PRAMEF27: variants seen among roughly 807,000 people sequenced by gnomAD.
The protein encoded by PRAMEF27 is PRAME family member 27.
Under a neutral mutation model 21.0 loss-of-function variants are expected in PRAMEF27, and 5 were observed. The observed-to-expected ratio is 0.24, with a 90% confidence interval of 0.12 to 0.50. The LOEUF is 0.50. Among genes scored for constraint, PRAMEF27 ranks in the 20% least tolerant of loss-of-function variants. The pLI, the probability that PRAMEF27 is intolerant of heterozygous loss-of-function variation, is 0.98. For missense variants in PRAMEF27, 138 were observed against 541.4 expected, an observed-to-expected ratio of 0.25 and a Z score of 7.39; for synonymous variants, 61 against 211.2, an observed-to-expected ratio of 0.29 and a Z score of 6.17.
Position 13,053,486 on chromosome 1 carries a change from C to G in PRAMEF27, c.174G>C (p.Val58=). The change falls in exon 2 of 4, where the codon GTG becomes GTC. Residue 58 remains valine (V), a synonymous_variant. Coordinates refer to ENST00000436041, the MANE Select transcript of PRAMEF27 (RefSeq NM_001300891.2). ...GGAGGCGGCGGAAGGGCCAGGCCTG[C>G]ACCATCAGCTTCAGGGCCTCACAGC... ...RRCCEALKLM[V]QAWPFRRLPL... 1 of 1,488,318 alleles carries G rather than the reference C, an allele frequency of 6.7e-7. No individual in the cohort carries two copies. The highest frequency in any genetic ancestry group is 8.9e-7 in the Non-Finnish European group (1 of 1,124,982). 92.2% of individuals were successfully genotyped at this position (1,488,318 alleles called of 1,614,324 possible).
At position 13,049,727 on chromosome 1, in the gene PRAMEF27, A is replaced by G; in HGVS notation, c.*81T>C. 1.0e-6 allele frequency: 1 copy of G among 997,976 alleles called. No homozygotes were observed. The highest frequency in any genetic ancestry group is 3.0e-5 in the East Asian group (1 of 33,190). 61.8% of individuals were successfully genotyped at this position (997,976 alleles called of 1,614,324 possible). ...AAATGATGGGTTCTGTGCTCCCTTT[A>G]GGATGTACCTAAGACCTAGGTTTTA... On this transcript the variant is annotated 3_prime_UTR_variant, in exon 4 of 4. Coordinates refer to ENST00000436041, the MANE Select transcript of PRAMEF27 (RefSeq NM_001300891.2).
chr1:13,051,886 C>A, intron 3 of PRAMEF27: 2 of 585,618 alleles, frequency 3.4e-6, no homozygotes, highest in Non-Finnish European at 5.5e-6. Context: ...AGCTAGCTTC[C>A]TAGTATGACA....
Position 13,053,577 on chromosome 1 carries a change from G to T in PRAMEF27, c.83C>A (p.Ser28Tyr). The T allele has an allele frequency of 1.3e-6, 2 of 1,585,924 alleles. No homozygotes were observed. Among genetic ancestry groups the T allele is most frequent in the East Asian group, 4.5e-5 (2 of 44,348 alleles). ...SLLRDQALAM[S>Y]TLEELPTELF... Reference sequence around the variant, plus strand: ...TTCTGTGGGCAGCTCCTCCAGGGTGGACATGGCCAAGGCTTGGTCCCTCAG... The same window carrying T: ...TTCTGTGGGCAGCTCCTCCAGGGTGTACATGGCCAAGGCTTGGTCCCTCAG... The change falls in exon 2 of 4, where the codon TCC (serine) becomes TAC (tyrosine). Residue 28 changes from serine to tyrosine, a missense_variant. Ser to Tyr is a moderately radical substitution (Grantham distance 144). Transcript: ENST00000436041.
Position 13,056,456 on chromosome 1 carries a change from A to T in PRAMEF27, c.-59T>A. 1 of 129,150 alleles carries T rather than the reference A, an allele frequency of 7.7e-6. No individual in the cohort carries two copies. The highest frequency in any genetic ancestry group is 4.2e-5 in the African/African-American group (1 of 24,016). The allele number at this position is 129,150 out of a possible 1,614,324, so 8.0% of individuals were successfully genotyped here. On this transcript the variant is annotated 5_prime_UTR_variant, in exon 1 of 4. Transcript: ENST00000436041. ...TAGAAGGTGCTCAGACCTCAGGAAG[A>T]ACCAGGCAGGAACTCCAGGCTTGAA...
intron 2 of PRAMEF27, chr1:13,052,921 TGTCA>T: frequency 2.5e-6 from 1 of 395,390 alleles, no homozygotes; most frequent in Non-Finnish European, 4.0e-6. Flanking sequence ...AGTGGTGTGA[TGTCA>T]CCTCACTGCA....
chr1:13,055,992 G>C (rs1290771350), intron 1 of PRAMEF27: 1 of 121,418 alleles, frequency 8.2e-6, no homozygotes, highest in Non-Finnish European at 1.6e-5. Context: ...GGAGTTAAAG[G>C]TTGCAGGGAG....
chr1:13,051,092 A>G (rs1402975414), intron 3 of PRAMEF27: 25 of 151,362 alleles, frequency 1.7e-4, no homozygotes, highest in African/African-American at 5.8e-4. Context: ...TCAGCAAACC[A>G]TCTATCACTT....
chr1:13,055,527 C>A (rs1489214021), intron 1 of PRAMEF27: 1 of 136,712 alleles, frequency 7.3e-6, no homozygotes, highest in African/African-American at 3.0e-5. Flanking sequence ...CAGCCTTCCA[C>A]GTAGCTGGGA....
intron 1 of PRAMEF27, chr1:13,056,128 T>A (rs1642244742): frequency 8.5e-6 from 1 of 117,312 alleles, no homozygotes; most frequent in Non-Finnish European, 1.6e-5. Flanking sequence ...ACCCCTGGGC[T>A]GAAATGATCC....
chr1:13,051,921 C>T (rs1642208687), intron 3 of PRAMEF27, 197 bp downstream of exon 3: 7 of 667,108 alleles, frequency 1.0e-5, no homozygotes, highest in Non-Finnish European at 1.6e-5. Context: ...TCTCCCCTAG[C>T]TGATCCCTCT....
intron 1 of PRAMEF27, chr1:13,056,101 G>T (rs1277741275): frequency 8.6e-6 from 1 of 116,432 alleles, no homozygotes; most frequent in Non-Finnish European, 1.6e-5. Flanking sequence ...TTGTCATGTT[G>T]CCCAGGTTGG....
chr1:13,050,483 T>A (rs1470107971), intron 3 of PRAMEF27, 114 bp from the exon 4 acceptor site: 1 of 1,267,818 alleles, frequency 7.9e-7, no homozygotes, highest in Non-Finnish European at 1.1e-6. Flanking sequence ...TCCAGGGTCA[T>A]TCTGATGGCC....
intron 1 of PRAMEF27, 179 bp from the exon 2 acceptor site, chr1:13,053,854 T>A: frequency 1.1e-6 from 1 of 916,198 alleles, no homozygotes. Flanking sequence ...TGCATCAGCA[T>A]GAGCGTCTCC....
rs1245231981 is a variant in PRAMEF27, at chr1:13,056,196, A to C, written c.-17+218T>G. 1.7e-5 allele frequency: 2 copies of C among 118,348 alleles called. 1 individual carries two copies. Among genetic ancestry groups the C allele is most frequent in the African/African-American group, 1.2e-4 (2 of 17,000 alleles). The allele number at this position is 118,348 out of a possible 1,614,324, so 7.3% of individuals were successfully genotyped here. ...AAGGCGTGAGTCACTGCTCCCTTCA[A>C]GAATTTTAAAATGGCATCAACCAAA... On this transcript the variant is annotated intron_variant, in intron 1 of 3. Coordinates refer to ENST00000436041, the MANE Select transcript of PRAMEF27 (RefSeq NM_001300891.2).
intron 1 of PRAMEF27, chr1:13,056,160 TGTTGGG>T (rs2100240870): frequency 8.5e-6 from 1 of 117,156 alleles, no homozygotes; most frequent in Non-Finnish European, 1.6e-5. Flanking sequence ...CCTCCCAAAG[TGTTGGG>T]GTTAAAGGCG....
rs1248920132 is a variant in PRAMEF27 at position 13,050,527 on chromosome 1, G to A, written c.876-158C>T. On this transcript the variant is annotated intron_variant, in intron 3 of 3. Transcript: ENST00000436041. ...AACACTTAGAATGATGTGTGATGAA[G>A]AGCTTTGCCACCGAGGTCAATTCCA... 1.9e-5 allele frequency: 23 copies of A among 1,218,988 alleles called. 2 individuals carry two copies. The highest frequency in any genetic ancestry group is 1.5e-4 in the Admixed American group (7 of 46,774). The allele number at this position is 1,218,988 out of a possible 1,614,324, so 75.5% of individuals were successfully genotyped here. A position where few individuals can be genotyped will look rare whatever the true frequency, so the allele number is the denominator to read the frequency against.
chr1:13,055,758 A>C (rs1642240270), intron 1 of PRAMEF27: 1 of 143,454 alleles, frequency 7.0e-6, no homozygotes, highest in Admixed American at 6.8e-5. Flanking sequence ...AGCCACCCAA[A>C]TAGCTGGGAC....
Position 13,049,866 on chromosome 1 carries a change from C to T in PRAMEF27, c.1379G>A (p.Cys460Tyr). ...AAATGACCTGTTGCCACAGTCAGGGCAGTTATCAATACAGAAAAAGATCCT... is the reference window on the plus strand; with the variant it reads ...AAATGACCTGTTGCCACAGTCAGGGTAGTTATCAATACAGAAAAAGATCCT... ...PKRIFFCIDN[C>Y]PDCGNRSFYD... is the part of the protein sequence containing the mutation. The change falls in exon 4 of 4, where the codon TGC becomes TAC. Residue 460 changes from cysteine (C) to tyrosine (Y), a missense_variant. Coordinates refer to ENST00000436041, the MANE Select transcript of PRAMEF27 (RefSeq NM_001300891.2). 1 of 1,415,702 alleles carries T rather than the reference C, an allele frequency of 7.1e-7. No individual in the cohort carries two copies. Among genetic ancestry groups the T allele is most frequent in the Non-Finnish European group, 9.3e-7 (1 of 1,080,156 alleles). The allele number at this position is 1,415,702 out of a possible 1,614,324, so 87.7% of individuals were successfully genotyped here.
intron 1 of PRAMEF27, chr1:13,055,616 A>G (rs1393505273): frequency 6.6e-6 from 1 of 150,686 alleles, no homozygotes; most frequent in Non-Finnish European, 1.5e-5. Flanking sequence ...AAGGTCAAAG[A>G]TCCTTTTTGA....
Sources: gnomAD v4.1 joint callset for allele counts on GRCh38, gnomAD v4.1.1 for gene constraint, MANE v1.5 for transcripts, NCBI Gene and HGNC (gene_info 2026-07-23, HGNC 2026-07-21) for gene names.